The following PCDH15 variants were observed in gnomAD, a reference collection of about 807,000 sequenced individuals.
The protein encoded by PCDH15 is protocadherin related 15.
Under a neutral mutation model 178.5 loss-of-function variants are expected in PCDH15, and 129 were observed. The observed-to-expected ratio is 0.72, with a 90% CI of 0.63 to 0.84. PCDH15 has a LOEUF of 0.84. Ranked by LOEUF, PCDH15 falls within the 40% of genes least tolerant of loss-of-function variation. The pLI is 0.00. For synonymous variants in PCDH15, 800 were observed against 732.0 expected (o/e 1.09, Z -1.50); for missense variants, 2,230 against 2,099.9 (o/e 1.06, Z -1.21).
chr10:54,090,113 A>G (rs745710522), intron 15 of PCDH15, 50 bp from the exon 16 acceptor site: 4 of 1,342,056 alleles, frequency 3.0e-6, no homozygotes, highest in East Asian at 4.6e-5. Context: ...TATGGCGCCC[A>G]CTCATTACAG....
chr10:54,220,812 G>A (rs948376793), intron 9 of PCDH15, among the ~76,000 whole-genome samples: 1 of 150,322 alleles, frequency 6.7e-6, no homozygotes, highest in South Asian at 2.1e-4. Flanking sequence ...GCGACAGAGC[G>A]AGACTCCGTC....
At chr10:55,195,527 G>A (rs1266562514) in intron 1 of PCDH15, among the ~76,000 whole-genome samples, 1 of 150,560 alleles carries the variant, frequency 6.6e-6, no homozygotes, top group Non-Finnish European at 1.5e-5. Flanking sequence ...ATGGTGGTGG[G>A]TGCCTATAAT....
chr10:55,271,505 C>T (rs1421159685), intron 1 of PCDH15, among the ~76,000 whole-genome samples: 2 of 152,028 alleles, frequency 1.3e-5, no homozygotes, highest in Non-Finnish European at 2.9e-5. Context: ...AGGTGCTTTA[C>T]AAAATTTGCT....
intron 2 of PCDH15, among the ~76,000 whole-genome samples, chr10:55,070,098 G>C (rs1414436260): frequency 6.6e-6 from 1 of 150,526 alleles, no homozygotes; most frequent in East Asian, 2.0e-4. Context: ...GTCTGTTCAT[G>C]TCCTTCGCCC....
intron 21 of PCDH15, among the ~76,000 whole-genome samples, chr10:53,989,891 T>A (rs2091350557): frequency 6.6e-6 from 1 of 152,152 alleles, no homozygotes; most frequent in African/African-American, 2.4e-5. Flanking sequence ...CAAAAAACTA[T>A]ATTATCTGGA....
Position 55,445,783 on chromosome 10 carries a change from G to A in PCDH15, c.-156+181842C>T, listed in dbSNP as rs185476141. Among the ~76,000 whole-genome samples the A allele has an allele frequency of 7.2e-5, 11 of 152,218 alleles. No homozygotes were observed. The East Asian group carries it at 1.5e-3, about 21-fold the overall frequency. On this transcript the variant is annotated intron_variant, in intron 2 of 5. Coordinates refer to the PCDH15 transcript ENST00000613346. ...TAGGTGATGAAAACAGGAGGATCAC[G>A]TGCAACTTTGCATTTCAAACTTCTT...
intron 2 of PCDH15, among the ~76,000 whole-genome samples, chr10:54,993,404 A>G (rs1246217975): frequency 6.6e-6 from 1 of 152,192 alleles, no homozygotes; most frequent in Non-Finnish European, 1.5e-5. Flanking sequence ...GCCACAAATC[A>G]TGAATACCTG....
chr10:54,341,263 T>A (rs1263306964), intron 6 of PCDH15, among the ~76,000 whole-genome samples: 1 of 152,080 alleles, frequency 6.6e-6, no homozygotes, highest in African/African-American at 2.4e-5. Context: ...GAGGGAGGGA[T>A]CTGGTAGGTG....
At position 54,180,005 on chromosome 10, in the gene PCDH15, T is replaced by A. The variant is rs111391527; in HGVS notation, c.1590+3439A>T. Among the ~76,000 whole-genome samples the A allele has an allele frequency of 7.5e-3, 1,137 of 152,296 alleles. 17 individuals are homozygous for A. The highest frequency in any genetic ancestry group is 0.025 in the African/African-American group (1,058 of 41,560). On this transcript the variant is annotated intron_variant, in intron 13 of 37. Transcript: ENST00000644397. The stretch of plus-strand genomic sequence containing the variant: ...GATTGGTATTAGTGGAGCATAGTAT[T>A]TATTAGTTTCAACCTATACGATTGC...
At chr10:53,902,009 T>C (rs1013870428) in intron 26 of PCDH15, among the ~76,000 whole-genome samples, 1 of 152,186 alleles carries the variant, frequency 6.6e-6, no homozygotes, top group East Asian at 1.9e-4. Flanking sequence ...AATTGCTCTA[T>C]ATCAAACTTC....
At chr10:53,808,476 A>G in intron 37 of PCDH15, 1 of 1,364,898 alleles carries the variant, frequency 7.3e-7, no homozygotes, top group South Asian at 2.0e-5. Flanking sequence ...ATTTACTAAT[A>G]TAGGAAGGAT....
At chr10:54,083,293 A>C (rs1021676246) in intron 16 of PCDH15, among the ~76,000 whole-genome samples, 1 of 152,234 alleles carries the variant, frequency 6.6e-6, no homozygotes, top group African/African-American at 2.4e-5. Flanking sequence ...TACTTAAAAA[A>C]GCCAAACACA....
chr10:53,886,221 C>T (rs1481448506), intron 26 of PCDH15, among the ~76,000 whole-genome samples: 1 of 152,116 alleles, frequency 6.6e-6, no homozygotes, highest in Non-Finnish European at 1.5e-5. Context: ...TGCATTTTCT[C>T]ATTTATATTC....
At position 53,993,607 on chromosome 10, in the gene PCDH15, T is replaced by C. The variant is rs145677606; in HGVS notation, c.2868+2042A>G. On this transcript the variant is annotated intron_variant, in intron 21 of 37. Coordinates refer to ENST00000644397, the MANE Select transcript of PCDH15 (RefSeq NM_001384140.1). ...GGCAAGCCTATCTGAATAATAATTATTCTGTCTTTATGGTACCAACATAAA... is the reference window on the plus strand; with the variant it reads ...GGCAAGCCTATCTGAATAATAATTACTCTGTCTTTATGGTACCAACATAAA... 1.1e-3 allele frequency among the ~76,000 whole-genome samples: 171 copies of C among 152,282 alleles called. 5 individuals carry two copies. In the East Asian group the frequency reaches 0.032, roughly 29 times the overall value.
chr10:55,059,103 A>G (rs1440192239), intron 2 of PCDH15, among the ~76,000 whole-genome samples: 1 of 152,204 alleles, frequency 6.6e-6, no homozygotes, highest in Non-Finnish European at 1.5e-5. Flanking sequence ...ACTGGAGCAC[A>G]GGAATAAAGT....
At chr10:54,769,994 C>G (rs1181561687) in intron 1 of PCDH15, among the ~76,000 whole-genome samples, 1 of 152,072 alleles carries the variant, frequency 6.6e-6, no homozygotes, top group Non-Finnish European at 1.5e-5. Context: ...TAAATTAGTT[C>G]AAATTGAATA....
chr10:55,569,962 G>A (rs1186296943), intron 2 of PCDH15, among the ~76,000 whole-genome samples: 1 of 151,228 alleles, frequency 6.6e-6, no homozygotes, highest in Non-Finnish European at 1.5e-5. Context: ...TCATAATAGT[G>A]CTATTTTTCC....
chr10:55,073,513 G>A (rs990790749), intron 2 of PCDH15, among the ~76,000 whole-genome samples: 91 of 152,156 alleles, frequency 6.0e-4, no homozygotes, highest in African/African-American at 2.2e-3. Flanking sequence ...GCTTCAAAGA[G>A]AATAAAATAC....
chr10:55,601,959 G>C (rs1318023162), intron 2 of PCDH15, among the ~76,000 whole-genome samples: 1 of 152,120 alleles, frequency 6.6e-6, no homozygotes, highest in Non-Finnish European at 1.5e-5. Flanking sequence ...GGTGATTTCT[G>C]CATTTCCATC....
Sources: allele counts gnomAD v4.1 joint callset (sites outside exome capture counted in the v4.1 genomes callset), GRCh38; gene constraint gnomAD v4.1.1; transcripts MANE v1.5; gene names NCBI Gene and HGNC (gene_info 2026-07-23, HGNC 2026-07-21).